KSR2: variants seen among roughly 807,000 people sequenced by gnomAD.
KSR2 encodes kinase suppressor of ras 2.
KSR2 carries 25 observed loss-of-function variants against 107.8 expected under a neutral mutation model. That is an observed-to-expected ratio of 0.23 (90% CI 0.17 to 0.32). The LOEUF is 0.32. Ranked by LOEUF, KSR2 falls within the 10% of genes least tolerant of loss-of-function variation. The pLI, the probability that KSR2 is intolerant of heterozygous loss-of-function variation, is 1.00. For synonymous variants in KSR2, 480 were observed against 507.0 expected, an observed-to-expected ratio of 0.95 and a Z score of 0.71; for missense variants, 887 against 1,268.9, an observed-to-expected ratio of 0.70 and a Z score of 4.57.
At chr12:117,786,300 T>C (rs933134775) in intron 3 of KSR2, among the ~76,000 whole-genome samples, 2 of 151,686 alleles carry the variant, frequency 1.3e-5, no homozygotes, top group Non-Finnish European at 2.9e-5. Flanking sequence ...ATATTACCCA[T>C]GATACTAACA....
At chr12:117,522,864 C>T (rs575740413) in intron 14 of KSR2, among the ~76,000 whole-genome samples, 1 of 152,278 alleles carries the variant, frequency 6.6e-6, no homozygotes, top group South Asian at 2.1e-4. Flanking sequence ...ACTACAAGAA[C>T]CCAGCTACTG....
intron 1 of KSR2, among the ~76,000 whole-genome samples, chr12:117,961,545 T>G (rs1896656087): frequency 6.6e-6 from 1 of 151,534 alleles, no homozygotes; most frequent in African/African-American, 2.4e-5. Flanking sequence ...ATACCAAGAC[T>G]CCTTGCCACT....
At position 117,655,106 on chromosome 12, in the gene KSR2, T is replaced by A. The variant is rs1267388025; in HGVS notation, c.1171+12368A>T. On this transcript the variant is annotated intron_variant, in intron 5 of 19. Transcript: ENST00000339824. ...GGCAGGTTGATTATATTGGACCTCT[T>A]CCATCATGGAAAGGGCAGAGGTTTG... Among the ~76,000 whole-genome samples, 5 of 152,188 alleles carry A rather than the reference T, an allele frequency of 3.3e-5. No homozygotes were observed. The East Asian group carries it at 9.6e-4, about 29-fold the overall frequency.
chr12:117,641,537 T>C lies in KSR2; in HGVS notation c.1171+25937A>G, dbSNP rs565267942. 6.0e-4 allele frequency among the ~76,000 whole-genome samples: 91 copies of C among 152,272 alleles called. 1 individual carries two copies. The highest frequency in any genetic ancestry group is 2.1e-3 in the African/African-American group (89 of 41,568). The stretch of plus-strand genomic sequence containing the variant: ...GTCACATGACCTTTCTCCCTGTGCA[T>C]CTCTGTGTCTGAATTTCCTTCTTTT... On this transcript the variant is annotated intron_variant, in intron 5 of 19. Coordinates refer to ENST00000339824, the MANE Select transcript of KSR2 (RefSeq NM_173598.6).
rs538350745 is a variant in KSR2, at chr12:117,947,154, C to A, written c.180+20922G>T. ...CTATACTCCAGCCTGGGTGACAGAG[C>A]TACACTCTGTCAAAAGAAAGAAAGA... is the stretch of plus-strand genomic sequence containing the variant. On this transcript the variant is annotated intron_variant, in intron 1 of 19. Coordinates refer to ENST00000339824, the MANE Select transcript of KSR2 (RefSeq NM_173598.6). Among the ~76,000 whole-genome samples, 17 of 136,258 alleles carry A rather than the reference C, an allele frequency of 1.2e-4. No individual in the cohort carries two copies. In the East Asian group the frequency reaches 3.8e-3, roughly 31 times the overall value. The allele number at this position is 136,258 out of a possible 152,430, so 89.4% of individuals were successfully genotyped here. A position where few individuals can be genotyped will look rare whatever the true frequency, so the allele number is the denominator to read the frequency against.
intron 4 of KSR2, among the ~76,000 whole-genome samples, chr12:117,755,800 T>C (rs1372775357): frequency 6.6e-6 from 1 of 152,212 alleles, no homozygotes; most frequent in African/African-American, 2.4e-5. Flanking sequence ...ATGGTCAAGT[T>C]GTGAAGGCAA....
chr12:117,527,523 A>G (rs1363779916), intron 12 of KSR2, among the ~76,000 whole-genome samples: 2 of 152,234 alleles, frequency 1.3e-5, no homozygotes, highest in Non-Finnish European at 2.9e-5. Context: ...TATGTTTGCC[A>G]GGAAAGAATT....
intron 14 of KSR2, among the ~76,000 whole-genome samples, chr12:117,506,047 A>C (rs930226102): frequency 1.2e-4 from 19 of 152,280 alleles, no homozygotes; most frequent in African/African-American, 4.6e-4. Flanking sequence ...TCCAGTACCT[A>C]CTACCTCCTG....
In KSR2 at chr12:117,935,253, G is replaced by C. The variant is rs901674830; in HGVS notation, c.180+32823C>G. ...TGGCTCGAGCAATCCTCCCTCCTCA[G>C]CCTCCCAAGTAGCTGGAATCATAGG... On this transcript the variant is annotated intron_variant, in intron 1 of 19. Coordinates refer to ENST00000339824, the MANE Select transcript of KSR2 (RefSeq NM_173598.6). Among the ~76,000 whole-genome samples the C allele has an allele frequency of 3.7e-4, 56 of 151,814 alleles. 1 individual carries two copies. Among genetic ancestry groups the C allele is most frequent in the African/African-American group, 1.3e-3 (54 of 41,318 alleles).
At chr12:117,957,568 G>A (rs1896550339) in intron 1 of KSR2, among the ~76,000 whole-genome samples, 1 of 152,092 alleles carries the variant, frequency 6.6e-6, no homozygotes, top group Non-Finnish European at 1.5e-5. Context: ...CCCAACAGTT[G>A]GGACCACATG....
At chr12:117,966,916 C>T (rs1041393432) in intron 1 of KSR2, among the ~76,000 whole-genome samples, 1 of 152,170 alleles carries the variant, frequency 6.6e-6, no homozygotes, top group African/African-American at 2.4e-5. Flanking sequence ...CAGTACTGCT[C>T]ATGCCCACTC....
At chr12:117,862,235 C>A (rs1893323382) in intron 1 of KSR2, among the ~76,000 whole-genome samples, 1 of 151,902 alleles carries the variant, frequency 6.6e-6, no homozygotes, top group East Asian at 1.9e-4. Context: ...CCTATATTAT[C>A]ATCTTTTTAA....
At chr12:117,554,231 T>A (rs958385981) in intron 9 of KSR2, among the ~76,000 whole-genome samples, 1 of 151,982 alleles carries the variant, frequency 6.6e-6, no homozygotes, top group Non-Finnish European at 1.5e-5. Context: ...GATATGGAAA[T>A]CAGGCCAGAA....
intron 3 of KSR2, among the ~76,000 whole-genome samples, chr12:117,778,797 C>T (rs778560605): frequency 1.3e-5 from 2 of 152,234 alleles, no homozygotes; most frequent in Non-Finnish European, 2.9e-5. Flanking sequence ...AGAGGGATGA[C>T]CTCTGAGACG....
intron 13 of KSR2, 147 bp downstream of exon 13, chr12:117,526,924 T>G (rs1803499971): frequency 1.5e-6 from 1 of 687,922 alleles, no homozygotes; most frequent in South Asian, 1.7e-5. Flanking sequence ...GCTTGCTAAT[T>G]GTCCCAGAGT....
chr12:117,566,675 G>A (rs1565903494), intron 7 of KSR2, among the ~76,000 whole-genome samples: 1 of 152,172 alleles, frequency 6.6e-6, no homozygotes, highest in East Asian at 1.9e-4. Flanking sequence ...GCAGAATTGG[G>A]ACAATTCATC....
chr12:117,919,389 T>C (rs1895278244), intron 1 of KSR2, among the ~76,000 whole-genome samples: 1 of 152,146 alleles, frequency 6.6e-6, no homozygotes, highest in Non-Finnish European at 1.5e-5. Flanking sequence ...TATAGGATCA[T>C]AGGTAAGAGA....
At chr12:117,704,442 G>A (rs1886441722) in intron 4 of KSR2, among the ~76,000 whole-genome samples, 1 of 152,194 alleles carries the variant, frequency 6.6e-6, no homozygotes, top group Non-Finnish European at 1.5e-5. Flanking sequence ...GACCACTGGG[G>A]AGAGAAGGGA....
intron 1 of KSR2, among the ~76,000 whole-genome samples, chr12:117,932,145 G>A (rs561761482): frequency 1.3e-5 from 2 of 152,106 alleles, no homozygotes; most frequent in South Asian, 2.1e-4. Flanking sequence ...AAATTAGCTG[G>A]GCATGATGGT....
Sources: allele counts gnomAD v4.1 joint callset (sites outside exome capture counted in the v4.1 genomes callset), GRCh38; gene constraint gnomAD v4.1.1; transcripts MANE v1.5; gene names NCBI Gene and HGNC (gene_info 2026-07-23, HGNC 2026-07-21).